The following HYDIN variants were observed in gnomAD, a reference collection of about 807,000 sequenced individuals.
HYDIN encodes axonemal central pair apparatus protein HYDIN.
A neutral mutation model predicts 403.9 loss-of-function variants in HYDIN; 132 were observed. That is an observed-to-expected ratio of 0.33 (90% CI 0.28 to 0.38). HYDIN has a LOEUF of 0.38. Among genes scored for constraint, HYDIN ranks in the 10% least tolerant of loss-of-function variants. The probability of loss-of-function intolerance (pLI) is 1.00; values close to 1 mark genes in which losing one functional copy is unlikely to be tolerated. For synonymous variants in HYDIN, 1,202 were observed against 1,891.7 expected, an observed-to-expected ratio of 0.64 and a Z score of 9.46; for missense variants, 2,827 against 5,009.5, an observed-to-expected ratio of 0.56 and a Z score of 13.15.
Position 71,153,898 on chromosome 16 carries a change from T to C in HYDIN, c.717-1115A>G, listed in dbSNP as rs111921398. Among the ~76,000 whole-genome samples, 305 of 152,262 alleles carry C rather than the reference T, an allele frequency of 2.0e-3. 6 individuals carry two copies. The highest frequency in any genetic ancestry group is 7.0e-3 in the African/African-American group (289 of 41,536). On this transcript the variant is annotated intron_variant, in intron 6 of 85. Coordinates refer to ENST00000393567, the MANE Select transcript of HYDIN (RefSeq NM_001270974.2). ...AAATACCTTAAGTAACTTAGAGAGT[T>C]CTTCCTAAATAGGAAACCCAGCCCA... is the stretch of plus-strand genomic sequence containing the variant.
At chr16:71,023,071 G>A (rs1305999304) in intron 21 of HYDIN, among the ~76,000 whole-genome samples, 1 of 152,244 alleles carries the variant, frequency 6.6e-6, no homozygotes, top group East Asian at 1.9e-4. Flanking sequence ...TCCCAGTAAT[G>A]GCATTCAGGG....
At chr16:71,170,048 C>T (rs1015840081) in intron 5 of HYDIN, among the ~76,000 whole-genome samples, 2 of 152,114 alleles carry the variant, frequency 1.3e-5, no homozygotes, top group South Asian at 2.1e-4. Context: ...TGATGCCTCA[C>T]GTGGCCCTGC....
chr16:70,951,245 G>GAGA (rs2078058602), intron 41 of HYDIN, among the ~76,000 whole-genome samples: 6 of 144,842 alleles, frequency 4.1e-5, no homozygotes, highest in East Asian at 2.1e-4. Context: ...TAGGGAAAAG[G>GAGA]GACAGAGAGA....
intron 45 of HYDIN, among the ~76,000 whole-genome samples, chr16:70,930,274 A>G: frequency 6.6e-6 from 1 of 152,264 alleles, no homozygotes; most frequent in East Asian, 1.9e-4. Context: ...TGAGGTCAGG[A>G]GTTCCACACC....
chr16:70,858,666 TG>T (rs1324259618), intron 71 of HYDIN, among the ~76,000 whole-genome samples: 1 of 151,308 alleles, frequency 6.6e-6, no homozygotes, highest in Non-Finnish European at 1.5e-5. Flanking sequence ...CAGGACAATG[TG>T]GGCAGGTGCT....
intron 4 of HYDIN, among the ~76,000 whole-genome samples, chr16:71,176,402 A>G (rs1446184999): frequency 6.6e-6 from 1 of 151,986 alleles, no homozygotes; most frequent in African/African-American, 2.4e-5. Flanking sequence ...CCAACATTTG[A>G]GCATTTGAGA....
At chr16:71,029,222 A>G (rs1291515363) in intron 19 of HYDIN, among the ~76,000 whole-genome samples, 1 of 149,566 alleles carries the variant, frequency 6.7e-6, no homozygotes, top group Non-Finnish European at 1.5e-5. Flanking sequence ...GTAGTGTGAA[A>G]GCAGCCATAG....
intron 64 of HYDIN, among the ~76,000 whole-genome samples, chr16:70,872,663 T>G (rs375519412): frequency 0.027 from 2,810 of 104,188 alleles, 140 homozygotes; most frequent in African/African-American, 0.1. Flanking sequence ...CATCCACCCA[T>G]CCACCATCCA....
chr16:71,146,073 CAT>C (rs888747643), intron 7 of HYDIN, among the ~76,000 whole-genome samples: 12 of 152,208 alleles, frequency 7.9e-5, no homozygotes, highest in African/African-American at 2.9e-4. Flanking sequence ...CTAGATTGCT[CAT>C]GTGTCAAATG....
chr16:70,997,720 ATGTC>A (rs1232520703), intron 23 of HYDIN, among the ~76,000 whole-genome samples: 4 of 150,374 alleles, frequency 2.7e-5, no homozygotes, highest in Non-Finnish European at 4.4e-5. Context: ...GGCAGAAGCC[ATGTC>A]TGTCTGTCTC....
At chr16:70,930,503 C>G (rs1439438970) in intron 45 of HYDIN, among the ~76,000 whole-genome samples, 1 of 151,944 alleles carries the variant, frequency 6.6e-6, no homozygotes, top group African/African-American at 2.4e-5. Flanking sequence ...AAAGAAAGAC[C>G]CACCAATCTT....
chr16:70,823,928 T>C (rs1469283109), intron 83 of HYDIN, among the ~76,000 whole-genome samples: 1 of 146,150 alleles, frequency 6.8e-6, no homozygotes, highest in Admixed American at 6.9e-5. Context: ...GAAATTGTCC[T>C]TAGGCAGAGA....
intron 83 of HYDIN, among the ~76,000 whole-genome samples, chr16:70,822,237 T>C (rs1439403116): frequency 1.3e-5 from 2 of 152,158 alleles, no homozygotes; most frequent in African/African-American, 4.8e-5. Flanking sequence ...CCCTCATGTA[T>C]GCCTTTGAGG....
chr16:70,932,651 A>T (rs1313349276), intron 45 of HYDIN, among the ~76,000 whole-genome samples: 2 of 152,332 alleles, frequency 1.3e-5, no homozygotes, highest in East Asian at 3.9e-4. Flanking sequence ...TTCAATTTTA[A>T]ATAGAGTGGC....
chr16:70,898,894 C>T (rs1278585381), intron 53 of HYDIN, among the ~76,000 whole-genome samples: 1 of 151,650 alleles, frequency 6.6e-6, no homozygotes, highest in African/African-American at 2.4e-5. Flanking sequence ...CAGGCGTGCG[C>T]CACCACATCC....
chr16:70,944,417 G>A (rs922701125), intron 41 of HYDIN, among the ~76,000 whole-genome samples: 2 of 152,244 alleles, frequency 1.3e-5, no homozygotes, highest in Admixed American at 6.5e-5. Context: ...AATCATAACA[G>A]GGCTGGGGAA....
chr16:70,945,765 T>C (rs1370833951), intron 41 of HYDIN, among the ~76,000 whole-genome samples: 4 of 152,000 alleles, frequency 2.6e-5, no homozygotes, highest in Non-Finnish European at 5.9e-5. Context: ...CAAGAAGTCA[T>C]GTGAGATGAA....
In HYDIN at chr16:70,879,636, T is replaced by C. The variant is rs374648674; in HGVS notation, c.10336A>G (p.Ile3446Val). 6.8e-6 allele frequency: 11 copies of C among 1,612,028 alleles called. No homozygotes were observed. The African/African-American group carries it at 1.4e-4, about 20-fold the overall frequency. Reference sequence around the variant, plus strand: ...AAGCCATCCAAGGTAGCCTCAAAGATGCACTGGTAGTTCTGCATGATCTGC... The same window carrying C: ...AAGCCATCCAAGGTAGCCTCAAAGACGCACTGGTAGTTCTGCATGATCTGC... ...TPQIMQNYQC[I>V]FEATLDGLPS... The change falls in exon 61 of 86, where the codon ATC (isoleucine) becomes GTC (valine). Residue 3446 changes from isoleucine to valine, a missense_variant. By Grantham distance (29) the Ile-to-Val change is conservative (BLOSUM62 3). Transcript: ENST00000393567.
chr16:70,807,707 G>T lies in HYDIN; in HGVS notation c.15239C>A (p.Ser5080Tyr). Residue 5080 changes from serine to tyrosine, a missense_variant, in exon 86 of 86, where the codon TCC becomes TAC. Ser to Tyr is a moderately radical substitution (Grantham distance 144). Transcript: ENST00000393567. ...GCTGCCAGATGGGTTTCCTTCAAAG[G>T]AGACTGTGATGTTGTTGATCTTCTT... Reference protein sequence around the residue: ...RPKKINNITVSFEGNPSGSKT... With the variant: ...RPKKINNITVYFEGNPSGSKT... 1 of 1,614,154 alleles carries T rather than the reference G, an allele frequency of 6.2e-7. No homozygotes were observed. Among genetic ancestry groups the T allele is most frequent in the Non-Finnish European group, 8.5e-7 (1 of 1,180,026 alleles).
Sources: gnomAD v4.1 joint callset for allele counts (sites outside exome capture counted in the v4.1 genomes callset) on GRCh38, gnomAD v4.1.1 for gene constraint, MANE v1.5 for transcripts, NCBI Gene and HGNC (gene_info 2026-07-23, HGNC 2026-07-21) for gene names.